CYP7B1: variants seen among roughly 807,000 people sequenced by gnomAD.
CYP7B1 encodes cytochrome P450 7B1.
Under a neutral mutation model 42.7 loss-of-function variants are expected in CYP7B1, and 29 were observed. That is an observed-to-expected ratio of 0.68 (90% confidence interval 0.51 to 0.93). The LOEUF (loss-of-function observed/expected upper bound fraction) is 0.93. Ranked by LOEUF, CYP7B1 falls within the 40% of genes least tolerant of loss-of-function variation. CYP7B1 has a pLI of 0.00. For missense variants in CYP7B1, 655 were observed against 600.5 expected (o/e 1.09, Z -0.95); for synonymous variants, 235 against 218.2 (o/e 1.08, Z -0.68).
At chr8:64,766,569 T>C (rs1380197690) in intron 1 of CYP7B1, among the ~76,000 whole-genome samples, 1 of 151,478 alleles carries the variant, frequency 6.6e-6, no homozygotes, top group Non-Finnish European at 1.5e-5. Flanking sequence ...AAGTGGACTT[T>C]GGAGGCTCTG....
At chr8:64,710,335 C>A (rs1807062671) in intron 1 of CYP7B1, among the ~76,000 whole-genome samples, 1 of 152,174 alleles carries the variant, frequency 6.6e-6, no homozygotes, top group South Asian at 2.1e-4. Flanking sequence ...GCTCTCCATT[C>A]CCTAACTTTG....
chr8:64,726,342 G>A (rs1807324435), intron 1 of CYP7B1, among the ~76,000 whole-genome samples: 1 of 152,208 alleles, frequency 6.6e-6, no homozygotes. Flanking sequence ...GGATAAGAAA[G>A]TCTGCCTTTT....
intron 1 of CYP7B1, among the ~76,000 whole-genome samples, chr8:64,721,047 A>C (rs899869964): frequency 1.3e-5 from 2 of 152,024 alleles, no homozygotes; most frequent in African/African-American, 4.8e-5. Context: ...TACAAAATCA[A>C]ACATCATCAC....
At chr8:64,768,506 A>C (rs957289551) in intron 1 of CYP7B1, among the ~76,000 whole-genome samples, 1 of 152,182 alleles carries the variant, frequency 6.6e-6, no homozygotes, top group Admixed American at 6.5e-5. Context: ...CTGCTTTTTA[A>C]AGTCACATTT....
intron 1 of CYP7B1, among the ~76,000 whole-genome samples, chr8:64,764,879 T>A (rs1475303903): frequency 1.3e-5 from 2 of 151,908 alleles, no homozygotes; most frequent in East Asian, 1.9e-4. Flanking sequence ...CCCTAAACCC[T>A]GCAGATTTCC....
At chr8:64,735,153 A>G (rs1297435110) in intron 1 of CYP7B1, among the ~76,000 whole-genome samples, 5 of 152,146 alleles carry the variant, frequency 3.3e-5, no homozygotes, top group Non-Finnish European at 7.3e-5. Flanking sequence ...TAAAAACTGC[A>G]TGTTCCCTCA....
intron 1 of CYP7B1, chr8:64,729,024 G>A (rs1464542088): frequency 6.6e-6 from 1 of 152,172 alleles, no homozygotes; most frequent in Non-Finnish European, 1.5e-5. Context: ...GCTGGGCATG[G>A]TGGTGTACTC....
intron 4 of CYP7B1, among the ~76,000 whole-genome samples, chr8:64,611,906 T>C (rs1276380570): frequency 2.6e-5 from 4 of 152,236 alleles, no homozygotes; most frequent in African/African-American, 9.6e-5. Flanking sequence ...ATAAACTACA[T>C]AGGGACATTG....
intron 5 of CYP7B1, among the ~76,000 whole-genome samples, chr8:64,599,640 C>T (rs1258045853): frequency 1.3e-5 from 2 of 152,138 alleles, no homozygotes; most frequent in East Asian, 1.9e-4. Flanking sequence ...CAGTTGACTC[C>T]CCAACATTGT....
At chr8:64,658,769 T>C (rs1229885637) in intron 1 of CYP7B1, among the ~76,000 whole-genome samples, 1 of 152,188 alleles carries the variant, frequency 6.6e-6, no homozygotes, top group Non-Finnish European at 1.5e-5. Context: ...CCAGGGTCAG[T>C]GGTCTCTTCT....
At chr8:64,664,660 T>C (rs1806248773) in intron 1 of CYP7B1, among the ~76,000 whole-genome samples, 1 of 152,172 alleles carries the variant, frequency 6.6e-6, no homozygotes, top group Non-Finnish European at 1.5e-5. Flanking sequence ...AGATGTCCTT[T>C]CACCCAAGTC....
At chr8:64,753,020 T>C (rs1320820682) in intron 1 of CYP7B1, among the ~76,000 whole-genome samples, 2 of 152,320 alleles carry the variant, frequency 1.3e-5, no homozygotes, top group Middle Eastern at 3.4e-3. Flanking sequence ...TGAAAAAGTT[T>C]AAAGAGTGTG....
At chr8:64,691,047 G>T (rs1312121382) in intron 1 of CYP7B1, among the ~76,000 whole-genome samples, 3 of 152,138 alleles carry the variant, frequency 2.0e-5, no homozygotes, top group African/African-American at 7.2e-5. Flanking sequence ...GGCTTCCCAG[G>T]GCTCGGGGAG....
Position 64,615,113 on chromosome 8 carries a change from G to C in CYP7B1, c.970C>G (p.Arg324Gly), listed in dbSNP as rs773055558. The part of the protein sequence containing the change: ...AMAAVRDEID[R>G]LLQSTGQKKG... ...TTTTGACCTGTTGACTGCAGCAAAC[G>C]GTCAATTTCGTCACGCACTGCTGCC... The change falls in exon 4 of 6, where the codon CGT (arginine) becomes GGT (glycine). Residue 324 changes from arginine (R) to glycine (G), a missense_variant. By Grantham distance (125) the Arg-to-Gly change is moderately radical (BLOSUM62 -2). Transcript: ENST00000310193. The C allele has an allele frequency of 1.9e-6, 3 of 1,613,510 alleles. No homozygotes were observed. Among genetic ancestry groups the C allele is most frequent in the Non-Finnish European group, 1.7e-6 (2 of 1,179,786 alleles).
chr8:64,771,047 CTTTTTT>C (rs757503820), intron 1 of CYP7B1, among the ~76,000 whole-genome samples: 667 of 42,326 alleles, frequency 0.016, 11 homozygotes, highest in African/African-American at 0.051. Context: ...ATATCAGCAT[CTTTTTT>C]TTTTTTTTTT....
intron 1 of CYP7B1, among the ~76,000 whole-genome samples, chr8:64,714,715 C>T (rs1344915225): frequency 1.3e-5 from 2 of 152,210 alleles, no homozygotes; most frequent in East Asian, 1.9e-4. Flanking sequence ...TGTCATGTAA[C>T]GTATGAAAAC....
chr8:64,615,084 T>C lies in CYP7B1; in HGVS notation c.999A>G (p.Lys333=), dbSNP rs746555297. 4 of 1,613,614 alleles carry C rather than the reference T, an allele frequency of 2.5e-6. No individual in the cohort carries two copies. In the South Asian group the frequency reaches 3.3e-5, roughly 13 times the overall value. Reference sequence around the variant, plus strand: ...TGAGGTGGATGGGAAATCCAGACCCTTTCTTTTGACCTGTTGACTGCAGCA... The same window carrying C: ...TGAGGTGGATGGGAAATCCAGACCCCTTCTTTTGACCTGTTGACTGCAGCA... The part of the protein sequence containing the change: ...DRLLQSTGQK[K]GSGFPIHLTR... Residue 333 remains lysine, a synonymous_variant, in exon 4 of 6, where the codon AAA becomes AAG. Transcript: ENST00000310193.
rs57590025 is a variant in CYP7B1 at position 64,593,232 on chromosome 8, GGTGTGTGTGT to G, written c.*3400_*3409del. 0.16 allele frequency among the ~76,000 whole-genome samples: 19,140 copies of G among 122,970 alleles called. 1,575 individuals are homozygous for G. The highest frequency in any genetic ancestry group is 0.26 in the East Asian group (1,136 of 4,308). The allele number at this position is 122,970 out of a possible 152,430, so 80.7% of individuals were successfully genotyped here. A position where few individuals can be genotyped will look rare whatever the true frequency, so the allele number is the denominator to read the frequency against. ...TGGTGGACTAAAGGCTAGGGCCCAG[GGTGTGTGTGT>G]GTGTGTGTGTGTGTGTGTGTGTGTG... On this transcript the variant is annotated 3_prime_UTR_variant, in exon 6 of 6. Coordinates refer to ENST00000310193, the MANE Select transcript of CYP7B1 (RefSeq NM_004820.5).
At chr8:64,686,038 C>G (rs1246080628) in intron 1 of CYP7B1, among the ~76,000 whole-genome samples, 17 of 114,644 alleles carry the variant, frequency 1.5e-4, no homozygotes, top group African/African-American at 5.5e-4. Context: ...GCCACCCCGT[C>G]CGGGAGGGAG....
Sources: allele counts gnomAD v4.1 joint callset (sites outside exome capture counted in the v4.1 genomes callset), GRCh38; gene constraint gnomAD v4.1.1; transcripts MANE v1.5; gene names NCBI Gene and HGNC (gene_info 2026-07-23, HGNC 2026-07-21).